ERBB4: variants seen among roughly 807,000 people sequenced by gnomAD.
The protein encoded by ERBB4 is receptor tyrosine-protein kinase erbB-4.
Under a neutral mutation model 158.0 loss-of-function variants are expected in ERBB4, and 42 were observed. The observed-to-expected ratio is 0.27, with a 90% CI of 0.21 to 0.34. The LOEUF (loss-of-function observed/expected upper bound fraction) is 0.34. ERBB4 is among the 10% of genes least tolerant of loss of function. The probability of loss-of-function intolerance (pLI) is 1.00; values close to 1 mark genes in which losing one functional copy is unlikely to be tolerated. For synonymous variants in ERBB4, 583 were observed against 558.7 expected, an observed-to-expected ratio of 1.04 and a Z score of -0.61; for missense variants, 1,333 against 1,624.1, an observed-to-expected ratio of 0.82 and a Z score of 3.08.
intron 3 of ERBB4, among the ~76,000 whole-genome samples, chr2:211,900,094 C>T (rs747579452): frequency 4.7e-4 from 71 of 152,088 alleles, no homozygotes; most frequent in Admixed American, 6.6e-4. Flanking sequence ...CACAGTAACC[C>T]GAGGCCTCAA....
In ERBB4 at chr2:212,498,069, T is replaced by C. The variant is rs113133360; in HGVS notation, c.82+40380A>G. On this transcript the variant is annotated intron_variant, in intron 1 of 27. Transcript: ENST00000342788. ...TAGCCAATCATTATTTACATTTTCATCCTACAGGGAAACAAAAGCCTTTCT... is the reference window on the plus strand; with the variant it reads ...TAGCCAATCATTATTTACATTTTCACCCTACAGGGAAACAAAAGCCTTTCT... Among the ~76,000 whole-genome samples the C allele has an allele frequency of 1.6e-3, 228 of 145,860 alleles. 2 individuals carry two copies. The highest frequency in any genetic ancestry group is 6.9e-3 in the Middle Eastern group (2 of 288).
chr2:212,280,404 A>G (rs1421609653), intron 1 of ERBB4, among the ~76,000 whole-genome samples: 1 of 151,708 alleles, frequency 6.6e-6, no homozygotes, highest in African/African-American at 2.4e-5. Context: ...CTGAGACAAA[A>G]AAGCCAAAAT....
chr2:211,745,730 CA>C (rs201484355), intron 5 of ERBB4, among the ~76,000 whole-genome samples: 7 of 127,768 alleles, frequency 5.5e-5, no homozygotes, highest in Admixed American at 3.3e-4. Flanking sequence ...AAAACAAAAA[CA>C]AAACAAAAAA....
At chr2:211,690,896 A>G (rs1344157058) in intron 12 of ERBB4, among the ~76,000 whole-genome samples, 1 of 152,152 alleles carries the variant, frequency 6.6e-6, no homozygotes, top group Non-Finnish European at 1.5e-5. Flanking sequence ...TTTCTCTGGA[A>G]GCTGCAAAAT....
chr2:211,918,421 CT>C (rs1175807829), intron 3 of ERBB4, among the ~76,000 whole-genome samples: 1 of 152,024 alleles, frequency 6.6e-6, no homozygotes, highest in African/African-American at 2.4e-5. Flanking sequence ...GGTCTGTAAC[CT>C]TCTACGTGAT....
At chr2:211,872,338 G>A (rs1354621500) in intron 3 of ERBB4, among the ~76,000 whole-genome samples, 1 of 152,150 alleles carries the variant, frequency 6.6e-6, no homozygotes, top group Non-Finnish European at 1.5e-5. Context: ...TTATTTTGCA[G>A]TGAGCCTGAT....
intron 4 of ERBB4, among the ~76,000 whole-genome samples, chr2:211,760,272 A>G (rs2075377035): frequency 1.3e-5 from 2 of 152,218 alleles, no homozygotes; most frequent in Non-Finnish European, 2.9e-5. Context: ...ATGATGTGCT[A>G]ATTGGCCTGG....
chr2:212,492,856 A>C (rs1422790732), intron 1 of ERBB4, among the ~76,000 whole-genome samples: 1 of 151,574 alleles, frequency 6.6e-6, no homozygotes, highest in Non-Finnish European at 1.5e-5. Context: ...CATGGTAAAT[A>C]TAAGGAAACA....
chr2:212,343,580 A>T (rs1012813553), intron 1 of ERBB4, among the ~76,000 whole-genome samples: 1 of 152,190 alleles, frequency 6.6e-6, no homozygotes, highest in African/African-American at 2.4e-5. Flanking sequence ...TTCTGACTTG[A>T]ATAAGTAAAA....
chr2:212,163,096 G>A (rs2081249624), intron 1 of ERBB4, among the ~76,000 whole-genome samples: 1 of 151,688 alleles, frequency 6.6e-6, no homozygotes. Flanking sequence ...TCTTATCTAT[G>A]AGAAAAAAAT....
At chr2:211,775,853 C>T (rs758523212) in intron 4 of ERBB4, among the ~76,000 whole-genome samples, 7 of 152,158 alleles carry the variant, frequency 4.6e-5, no homozygotes, top group African/African-American at 7.2e-5. Context: ...TGCCACCTCA[C>T]GGGTTACACC....
chr2:211,721,644 T>TATATATATATATATATAC (rs1156312544), intron 7 of ERBB4, among the ~76,000 whole-genome samples: 3 of 144,704 alleles, frequency 2.1e-5, no homozygotes, highest in Admixed American at 7.0e-5. Context: ...TATATATATA[T>TATATATATATATATATAC]ACATGTTTTG....
chr2:211,550,068 C>G (rs930352713), intron 20 of ERBB4, among the ~76,000 whole-genome samples: 6 of 152,040 alleles, frequency 3.9e-5, no homozygotes, highest in Non-Finnish European at 8.8e-5. Context: ...AAATGTACAA[C>G]CAGATGTTTT....
intron 4 of ERBB4, among the ~76,000 whole-genome samples, chr2:211,764,344 T>C (rs1458055246): frequency 3.3e-5 from 5 of 152,230 alleles, no homozygotes; most frequent in Admixed American, 1.3e-4. Context: ...TAAATAAATA[T>C]CAGTTCTATT....
intron 1 of ERBB4, among the ~76,000 whole-genome samples, chr2:212,393,518 C>T (rs751655150): frequency 1.1e-4 from 17 of 152,016 alleles, no homozygotes; most frequent in Non-Finnish European, 2.1e-4. Context: ...CACAATCAGA[C>T]ACTCTAGGCA....
At chr2:211,555,380 T>A (rs1186995167) in intron 20 of ERBB4, among the ~76,000 whole-genome samples, 3 of 152,098 alleles carry the variant, frequency 2.0e-5, no homozygotes, top group Non-Finnish European at 4.4e-5. Context: ...AGGCGGGGTT[T>A]CTCCATGTTG....
intron 1 of ERBB4, among the ~76,000 whole-genome samples, chr2:212,210,705 T>G (rs12694268): frequency 0.7 from 106,821 of 151,778 alleles, 37,983 homozygotes; most frequent in South Asian, 0.85. Context: ...AGATAATGGA[T>G]ATTTTGATTA....
intron 19 of ERBB4, among the ~76,000 whole-genome samples, chr2:211,566,898 C>A (rs2067566065): frequency 6.6e-6 from 1 of 151,940 alleles, no homozygotes; most frequent in South Asian, 2.1e-4. Context: ...AAGTGTGGCC[C>A]CACTCCCAGA....
chr2:211,941,512 A>G (rs899201207), intron 3 of ERBB4, among the ~76,000 whole-genome samples: 10 of 152,196 alleles, frequency 6.6e-5, no homozygotes, highest in Admixed American at 3.9e-4. Flanking sequence ...ATAAAGGATG[A>G]AACATGATGA....
Sources: gnomAD v4.1 joint callset for allele counts (sites outside exome capture counted in the v4.1 genomes callset) on GRCh38, gnomAD v4.1.1 for gene constraint, MANE v1.5 for transcripts, NCBI Gene and HGNC (gene_info 2026-07-23, HGNC 2026-07-21) for gene names.